Variants in DIP2B observed in about 807,000 individuals in gnomAD.
DIP2B encodes the protein disco-interacting protein 2 homolog B.
In DIP2B, 76 loss-of-function variants were observed where a neutral mutation model predicts 198.0. The observed-to-expected ratio is 0.38, with a 90% CI of 0.32 to 0.46. DIP2B has a LOEUF of 0.46. Among genes scored for constraint, DIP2B ranks in the 20% least tolerant of loss-of-function variants. The pLI, the probability that DIP2B is intolerant of heterozygous loss-of-function variation, is 0.99. For synonymous variants in DIP2B, 701 were observed against 739.1 expected (o/e 0.95, Z 0.84); for missense variants, 1,559 against 1,978.4 (o/e 0.79, Z 4.02).
Position 50,712,590 on chromosome 12 carries a change from C to T in DIP2B, c.2650-1805C>T, listed in dbSNP as rs973118812. The stretch of plus-strand genomic sequence containing the variant: ...CTGCACTTCAGCCTGGGAGAAAAAG[C>T]GAGACTCCATCTTAAAAAAACAAAC... On this transcript the variant is annotated intron_variant, in intron 22 of 37. Transcript: ENST00000301180. 1.1e-4 allele frequency among the ~76,000 whole-genome samples: 16 copies of T among 149,996 alleles called. 1 individual carries two copies. The East Asian group carries it at 1.2e-3, about 11-fold the overall frequency.
intron 36 of DIP2B, 134 bp downstream of exon 36, chr12:50,739,720 ACT>A (rs1050992851): frequency 9.0e-7 from 1 of 1,105,310 alleles, no homozygotes; most frequent in African/African-American, 1.6e-5. Flanking sequence ...CCCATAAGTG[ACT>A]CTCTCTTCAT....
chr12:50,588,114 T>C (rs1406267654), intron 1 of DIP2B, among the ~76,000 whole-genome samples: 1 of 152,002 alleles, frequency 6.6e-6, no homozygotes, highest in East Asian at 1.9e-4. Context: ...GTGTTAGAAA[T>C]TGATTTGTTG....
rs757899283 is a variant in DIP2B at position 50,706,658 on chromosome 12, A to G, written c.2527A>G (p.Arg843Gly). ...TGTAGAATCAATAAAGACTGTTTAT[A>G]GAGGAAGGTGAGTAGTACAAAATTC... ...LAVESIKTVY[R>G]GRIAVFSVSV... The change falls in exon 21 of 38, where the codon AGA becomes GGA. Residue 843 changes from arginine to glycine, a missense_variant. Coordinates refer to ENST00000301180, the MANE Select transcript of DIP2B (RefSeq NM_173602.3). 1 of 1,614,000 alleles carries G rather than the reference A, an allele frequency of 6.2e-7. No homozygotes were observed. The highest frequency in any genetic ancestry group is 1.1e-5 in the South Asian group (1 of 91,070).
chr12:50,623,560 C>T (rs1438159421), intron 1 of DIP2B, among the ~76,000 whole-genome samples: 2 of 151,588 alleles, frequency 1.3e-5, no homozygotes, highest in East Asian at 3.9e-4. Context: ...CTCACTCACC[C>T]AAGGATAAAC....
At chr12:50,714,694 C>T in intron 23 of DIP2B, 98 bp downstream of exon 23, 1 of 1,439,776 alleles carries the variant, frequency 6.9e-7, no homozygotes, top group Non-Finnish European at 9.5e-7. Flanking sequence ...TTTACAAAGA[C>T]TTTGGGAGGC....
At chr12:50,702,213 G>GT (rs1250891588) in intron 19 of DIP2B, among the ~76,000 whole-genome samples, 1 of 152,154 alleles carries the variant, frequency 6.6e-6, no homozygotes, top group Non-Finnish European at 1.5e-5. Context: ...AGGCATGGTG[G>GT]CGGGCGCCTG....
At chr12:50,702,786 G>GA (rs1476683274) in intron 19 of DIP2B, among the ~76,000 whole-genome samples, 1 of 136,808 alleles carries the variant, frequency 7.3e-6, no homozygotes, top group South Asian at 2.4e-4. Flanking sequence ...CTATCAGGTA[G>GA]AAAAAATAGG....
intron 19 of DIP2B, among the ~76,000 whole-genome samples, chr12:50,702,734 T>TAAAAAAA: frequency 7.4e-5 from 3 of 40,614 alleles, no homozygotes; most frequent in Non-Finnish European, 1.1e-4. Context: ...CCTCATCTCT[T>TAAAAAAA]AAAAAAAAAA....
At chr12:50,647,850 C>T (rs1938376871) in intron 3 of DIP2B, among the ~76,000 whole-genome samples, 1 of 152,064 alleles carries the variant, frequency 6.6e-6, no homozygotes, top group South Asian at 2.1e-4. Context: ...CACAGTGGCT[C>T]ACACCTGTAA....
At chr12:50,591,883 T>G (rs563135831) in intron 1 of DIP2B, among the ~76,000 whole-genome samples, 8 of 129,822 alleles carry the variant, frequency 6.2e-5, no homozygotes, top group South Asian at 2.9e-4. Context: ...TTTTGTGTGT[T>G]TTTTTTTTTT....
chr12:50,560,184 G>A (rs1958506740), intron 1 of DIP2B, among the ~76,000 whole-genome samples: 1 of 151,644 alleles, frequency 6.6e-6, no homozygotes, highest in South Asian at 2.1e-4. Flanking sequence ...CACGAGGTCA[G>A]GAGATCGAGA....
chr12:50,526,405 G>T (rs1022241986), intron 1 of DIP2B, among the ~76,000 whole-genome samples: 1 of 152,162 alleles, frequency 6.6e-6, no homozygotes, highest in African/African-American at 2.4e-5. Context: ...ACAGTTGGGT[G>T]ATATGTGACA....
At chr12:50,579,203 C>T (rs989742317) in intron 1 of DIP2B, among the ~76,000 whole-genome samples, 1 of 152,108 alleles carries the variant, frequency 6.6e-6, no homozygotes, top group South Asian at 2.1e-4. Context: ...ATTTGGATGT[C>T]AGCCAGATAT....
intron 1 of DIP2B, among the ~76,000 whole-genome samples, chr12:50,541,863 G>T (rs1365033264): frequency 1.3e-5 from 2 of 152,050 alleles, no homozygotes; most frequent in African/African-American, 2.4e-5. Flanking sequence ...TTAGCCAGAC[G>T]TGATGGCGTA....
chr12:50,532,495 CAG>C lies in DIP2B; in HGVS notation c.100+27258_100+27259del, dbSNP rs377148832. On this transcript the variant is annotated intron_variant, in intron 1 of 37. Coordinates refer to ENST00000301180, the MANE Select transcript of DIP2B (RefSeq NM_173602.3). Reference sequence around the variant, plus strand: ...CACCACAGCACTCCAGCCTGGGCGACAGAGCCAGATTCTGTCTCAAAAAACAA... The same window carrying C: ...CACCACAGCACTCCAGCCTGGGCGACAGCCAGATTCTGTCTCAAAAAACAA... Among the ~76,000 whole-genome samples, 715 of 152,256 alleles carry C rather than the reference CAG, an allele frequency of 4.7e-3. 8 individuals are homozygous for C. The highest frequency in any genetic ancestry group is 0.016 in the African/African-American group (676 of 41,534).
intron 2 of DIP2B, among the ~76,000 whole-genome samples, chr12:50,632,178 A>G (rs1380785174): frequency 6.6e-6 from 1 of 152,010 alleles, no homozygotes; most frequent in Admixed American, 6.5e-5. Context: ...AAACTTTATT[A>G]AACTTTATTA....
At chr12:50,565,728 CAAATT>C (rs1406042173) in intron 1 of DIP2B, among the ~76,000 whole-genome samples, 1 of 152,160 alleles carries the variant, frequency 6.6e-6, no homozygotes, top group Non-Finnish European at 1.5e-5. Flanking sequence ...ATTTCACCCT[CAAATT>C]AATCTTAAAA....
At chr12:50,678,256 G>C (rs1938982468) in intron 7 of DIP2B, among the ~76,000 whole-genome samples, 1 of 151,956 alleles carries the variant, frequency 6.6e-6, no homozygotes, top group South Asian at 2.1e-4. Flanking sequence ...CTAGTAAAAA[G>C]TCAATGTAAA....
intron 26 of DIP2B, among the ~76,000 whole-genome samples, chr12:50,722,822 T>G (rs2139588462): frequency 6.6e-6 from 1 of 152,346 alleles, no homozygotes; most frequent in Admixed American, 6.5e-5. Flanking sequence ...AGCAGCCTTC[T>G]AAATATTTTT....
Sources: gnomAD v4.1 joint callset for allele counts (sites outside exome capture counted in the v4.1 genomes callset) on GRCh38, gnomAD v4.1.1 for gene constraint, MANE v1.5 for transcripts, NCBI Gene and HGNC (gene_info 2026-07-23, HGNC 2026-07-21) for gene names.